The following KIAA1217 variants were observed in gnomAD, a reference collection of about 807,000 sequenced individuals.
KIAA1217 encodes KIAA1217.
Under a neutral mutation model 163.9 loss-of-function variants are expected in KIAA1217, and 88 were observed. The ratio of observed to expected loss-of-function variants is 0.54; its 90% CI spans 0.45 to 0.64. KIAA1217 has a LOEUF of 0.64. KIAA1217 is among the 30% of genes least tolerant of loss of function. The pLI, the probability that KIAA1217 is intolerant of heterozygous loss-of-function variation, is 0.00. For synonymous variants in KIAA1217, 903 were observed against 923.1 expected (o/e 0.98, Z 0.39); for missense variants, 2,372 against 2,475.0 (o/e 0.96, Z 0.88).
Position 24,544,983 on chromosome 10 carries a change from C to T in KIAA1217, c.5214C>T (p.Gly1738=). 6.2e-7 allele frequency: 1 copy of T among 1,613,984 alleles called. No individual in the cohort carries two copies. Among genetic ancestry groups the T allele is most frequent in the Non-Finnish European group, 8.5e-7 (1 of 1,179,934 alleles). ...CCTCTCACTGGTCCTTCCCACAGGGCTCCAGCGGGGCCCCACAGACGAGCA... is the reference window on the plus strand; with the variant it reads ...CCTCTCACTGGTCCTTCCCACAGGGTTCCAGCGGGGCCCCACAGACGAGCA... ...PTSIPSASRK[G]SSGAPQTSRM... is the part of the protein sequence containing the mutation. Residue 1738 remains glycine, a splice_region_variant and synonymous_variant, in exon 20 of 21, where the codon GGC becomes GGT. Coordinates refer to ENST00000376454, the MANE Select transcript of KIAA1217 (RefSeq NM_019590.5).
At chr10:24,046,017 A>G (rs1159574438) in intron 2 of KIAA1217, among the ~76,000 whole-genome samples, 1 of 152,182 alleles carries the variant, frequency 6.6e-6, no homozygotes, top group Non-Finnish European at 1.5e-5. Context: ...ATATGAGCCA[A>G]TATCTTAGAA....
At chr10:24,391,248 G>A (rs941966358) in intron 3 of KIAA1217, among the ~76,000 whole-genome samples, 3 of 151,414 alleles carry the variant, frequency 2.0e-5, no homozygotes, top group African/African-American at 7.3e-5. Context: ...GACTTTCAGT[G>A]ATCAGGGACT....
At chr10:23,751,137 T>G (rs1564390489) in intron 1 of KIAA1217, among the ~76,000 whole-genome samples, 1 of 152,108 alleles carries the variant, frequency 6.6e-6, no homozygotes, top group East Asian at 1.9e-4. Flanking sequence ...AAGGAATTCT[T>G]GTGCCTCAGC....
intron 2 of KIAA1217, among the ~76,000 whole-genome samples, chr10:24,292,607 T>G (rs2079190188): frequency 6.6e-6 from 1 of 152,226 alleles, no homozygotes; most frequent in South Asian, 2.1e-4. Context: ...GACTTTTTTT[T>G]GTTGCACTTC....
At chr10:23,933,781 A>T (rs1051320850) in intron 1 of KIAA1217, among the ~76,000 whole-genome samples, 11 of 151,968 alleles carry the variant, frequency 7.2e-5, no homozygotes, top group Non-Finnish European at 1.5e-4. Context: ...ACAAACATAT[A>T]AAAAAAAGCT....
At chr10:24,539,272 A>G (rs1173594966) in intron 17 of KIAA1217, among the ~76,000 whole-genome samples, 1 of 151,588 alleles carries the variant, frequency 6.6e-6, no homozygotes, top group Non-Finnish European at 1.5e-5. Flanking sequence ...TCTATCACCC[A>G]AGCTGGAGTG....
rs572643893 is a variant in KIAA1217, at chr10:24,372,657, A to T, written c.355-8212A>T. On this transcript the variant is annotated intron_variant, in intron 2 of 20. Coordinates refer to ENST00000376454, the MANE Select transcript of KIAA1217 (RefSeq NM_019590.5). ...TAAATCTAAAATAAAAGGTGAAATT[A>T]TTTAAAAAGAATGTTACCCGTAATC... Among the ~76,000 whole-genome samples, 7 of 152,306 alleles carry T rather than the reference A, an allele frequency of 4.6e-5. No individual in the cohort carries two copies. The South Asian group carries it at 1.5e-3, about 32-fold the overall frequency.
intron 1 of KIAA1217, among the ~76,000 whole-genome samples, chr10:23,755,677 G>A (rs1300712621): frequency 1.3e-5 from 2 of 152,066 alleles, no homozygotes; most frequent in African/African-American, 2.4e-5. Flanking sequence ...GGTTATTGTG[G>A]AAGGAAAAAA....
At chr10:24,407,298 G>A (rs1435400925) in intron 3 of KIAA1217, among the ~76,000 whole-genome samples, 1 of 151,880 alleles carries the variant, frequency 6.6e-6, no homozygotes, top group Non-Finnish European at 1.5e-5. Flanking sequence ...GTGCGTGTGC[G>A]TGCGCGTGCG....
chr10:23,970,092 T>C (rs1845248254), intron 1 of KIAA1217, among the ~76,000 whole-genome samples: 2 of 152,214 alleles, frequency 1.3e-5, no homozygotes, highest in Non-Finnish European at 2.9e-5. Flanking sequence ...ATGGGAATTA[T>C]GGGAGCTATA....
chr10:23,953,414 G>A (rs1210913347), intron 1 of KIAA1217, among the ~76,000 whole-genome samples: 2 of 152,206 alleles, frequency 1.3e-5, no homozygotes, highest in South Asian at 2.1e-4. Context: ...AAGGGGAAAA[G>A]TTCATATAAA....
intron 1 of KIAA1217, among the ~76,000 whole-genome samples, chr10:24,210,278 A>G (rs1314555635): frequency 6.6e-6 from 1 of 152,194 alleles, no homozygotes; most frequent in African/African-American, 2.4e-5. Flanking sequence ...TTACAATGAC[A>G]AGAGATAGAA....
intron 1 of KIAA1217, among the ~76,000 whole-genome samples, chr10:23,867,210 A>G (rs1840235256): frequency 6.6e-6 from 1 of 152,078 alleles, no homozygotes; most frequent in Non-Finnish European, 1.5e-5. Flanking sequence ...ATAGTATTCC[A>G]TGGAGTATAT....
chr10:24,244,253 C>G (rs367602696), intron 2 of KIAA1217, among the ~76,000 whole-genome samples: 2 of 152,162 alleles, frequency 1.3e-5, no homozygotes, highest in African/African-American at 2.4e-5. Flanking sequence ...AAGTTCCTCT[C>G]GGCTGGCTAC....
intron 2 of KIAA1217, among the ~76,000 whole-genome samples, chr10:24,076,246 G>A (rs73604446): frequency 0.05 from 7,662 of 152,238 alleles, 642 homozygotes; most frequent in African/African-American, 0.17. Flanking sequence ...GATACACAGC[G>A]TTTATGCCAT....
chr10:24,248,959 A>G (rs1316765075), intron 2 of KIAA1217, among the ~76,000 whole-genome samples: 1 of 152,220 alleles, frequency 6.6e-6, no homozygotes, highest in Admixed American at 6.5e-5. Flanking sequence ...ACTACTTTTT[A>G]TATTCTCAAA....
intron 1 of KIAA1217, among the ~76,000 whole-genome samples, chr10:24,210,674 C>G (rs1038204548): frequency 2.6e-5 from 4 of 152,132 alleles, no homozygotes; most frequent in Admixed American, 6.5e-5. Flanking sequence ...CTCACTAATT[C>G]ATTCATTCAG....
At chr10:23,872,650 T>C (rs2131166541) in intron 1 of KIAA1217, among the ~76,000 whole-genome samples, 1 of 152,220 alleles carries the variant, frequency 6.6e-6, no homozygotes, top group South Asian at 2.1e-4. Flanking sequence ...ATCAGTAGCC[T>C]AAGCACTTTT....
At chr10:23,784,334 T>G (rs1421845859) in intron 1 of KIAA1217, among the ~76,000 whole-genome samples, 1 of 152,190 alleles carries the variant, frequency 6.6e-6, no homozygotes, top group East Asian at 1.9e-4. Flanking sequence ...TCCTTAAAGC[T>G]AAAGTGTGTC....
Sources: gnomAD v4.1 joint callset for allele counts (sites outside exome capture counted in the v4.1 genomes callset) on GRCh38, gnomAD v4.1.1 for gene constraint, MANE v1.5 for transcripts, NCBI Gene and HGNC (gene_info 2026-07-23, HGNC 2026-07-21) for gene names.